The following SLC14A2 variants were observed in gnomAD, a reference collection of about 807,000 sequenced individuals.
SLC14A2 encodes solute carrier family 14 member 2, also known as urea transporter 2.
In SLC14A2, 91 loss-of-function variants were observed where a neutral mutation model predicts 104.6. The observed-to-expected ratio is 0.87, with a 90% CI of 0.73 to 1.04. The LOEUF (loss-of-function observed/expected upper bound fraction) is 1.04. Ranked by LOEUF, SLC14A2 falls within the 50% of genes least tolerant of loss-of-function variation. The pLI, the probability that SLC14A2 is intolerant of heterozygous loss-of-function variation, is 0.00. For synonymous variants in SLC14A2, 476 were observed against 466.4 expected, an observed-to-expected ratio of 1.02 and a Z score of -0.27; for missense variants, 1,189 against 1,156.0, an observed-to-expected ratio of 1.03 and a Z score of -0.41.
intron 2 of SLC14A2, among the ~76,000 whole-genome samples, chr18:45,500,576 C>CAAAAA (rs34543837): frequency 2.1e-5 from 2 of 93,878 alleles, no homozygotes; most frequent in Admixed American, 1.2e-4. Context: ...GACTCCGTCT[C>CAAAAA]AAAAAAAAAA....
chr18:45,591,814 G>C (rs907879685), intron 2 of SLC14A2, among the ~76,000 whole-genome samples: 1 of 152,224 alleles, frequency 6.6e-6, no homozygotes, highest in African/African-American at 2.4e-5. Flanking sequence ...GGACCTGGGA[G>C]AGCCAAAGAC....
chr18:45,647,594 A>T (rs993699758), intron 10 of SLC14A2: 1 of 152,206 alleles, frequency 6.6e-6, no homozygotes, highest in African/African-American at 2.4e-5. Context: ...AGGTCTTTCT[A>T]ACAACAAAGC....
At chr18:45,437,901 G>A (rs757065893) in intron 1 of SLC14A2, among the ~76,000 whole-genome samples, 4 of 152,188 alleles carry the variant, frequency 2.6e-5, no homozygotes, top group Non-Finnish European at 4.4e-5. Context: ...TGCTCTTAAT[G>A]TATGCGATAC....
chr18:45,441,429 C>T (rs1156267181), intron 1 of SLC14A2, among the ~76,000 whole-genome samples: 1 of 152,164 alleles, frequency 6.6e-6, no homozygotes, highest in Non-Finnish European at 1.5e-5. Flanking sequence ...AATGCCATAG[C>T]CATTACCCAG....
At chr18:45,346,383 C>T (rs939935419) in intron 1 of SLC14A2, among the ~76,000 whole-genome samples, 1 of 152,190 alleles carries the variant, frequency 6.6e-6, no homozygotes, top group Non-Finnish European at 1.5e-5. Context: ...TCTTGAACTC[C>T]TGACCTCAGG....
intron 1 of SLC14A2, among the ~76,000 whole-genome samples, chr18:45,418,577 G>T (rs974593347): frequency 6.6e-6 from 1 of 152,164 alleles, no homozygotes; most frequent in Admixed American, 6.5e-5. Flanking sequence ...GATAAAACTG[G>T]AACGGTACCT....
At chr18:45,237,270 A>G (rs1966317796) in intron 1 of SLC14A2, among the ~76,000 whole-genome samples, 1 of 152,164 alleles carries the variant, frequency 6.6e-6, no homozygotes, top group Non-Finnish European at 1.5e-5. Context: ...TTGGATAACT[A>G]AAGAAGCCTC....
rs2086256384 is a variant in SLC14A2 at position 45,414,760 on chromosome 18, ATATATAT to A, written c.-124-68472_-124-68466del. Among the ~76,000 whole-genome samples the A allele has an allele frequency of 5.2e-4, 29 of 55,266 alleles. 1 individual carries two copies. The East Asian group carries it at 0.018, about 33-fold the overall frequency. The allele number at this position is 55,266 out of a possible 152,430, so 36.3% of individuals were successfully genotyped here. A position where few individuals can be genotyped will look rare whatever the true frequency, so the allele number is the denominator to read the frequency against. On this transcript the variant is annotated intron_variant, in intron 1 of 20. Transcript: ENST00000586448. ...CACCGAGCGTAAAAAAAAAAAAAATATATATATATATATATATATATATATATATATA... is the reference window on the plus strand; with the variant it reads ...CACCGAGCGTAAAAAAAAAAAAAATAATATATATATATATATATATATATA...
chr18:45,213,710 T>A (rs966408152), intron 1 of SLC14A2, among the ~76,000 whole-genome samples: 7 of 149,854 alleles, frequency 4.7e-5, no homozygotes, highest in African/African-American at 1.7e-4. Flanking sequence ...AACTAGTACA[T>A]GCTATTAAAA....
the SLC14A2 span, among the ~76,000 whole-genome samples, chr18:45,174,074 T>G: frequency 6.6e-6 from 1 of 152,124 alleles, no homozygotes; most frequent in South Asian, 2.1e-4. Flanking sequence ...AGGTCAATTT[T>G]TGCATTGATT....
intron 1 of SLC14A2, among the ~76,000 whole-genome samples, chr18:45,293,873 ATTAG>A (rs986542693): frequency 1.1e-4 from 16 of 152,248 alleles, no homozygotes; most frequent in African/African-American, 3.9e-4. Context: ...CATGTTTCAT[ATTAG>A]TTATCTTTTA....
At chr18:45,266,223 G>C (rs902854313) in intron 1 of SLC14A2, among the ~76,000 whole-genome samples, 1 of 152,088 alleles carries the variant, frequency 6.6e-6, no homozygotes, top group African/African-American at 2.4e-5. Flanking sequence ...GCTTCAGTAA[G>C]GCCACGCCAT....
intron 1 of SLC14A2, among the ~76,000 whole-genome samples, chr18:45,481,131 C>T (rs1282965921): frequency 3.3e-5 from 5 of 152,054 alleles, no homozygotes; most frequent in African/African-American, 7.2e-5. Context: ...AGGCAGGATT[C>T]CAGGCTCAGG....
At chr18:45,171,780 T>A in the SLC14A2 span, among the ~76,000 whole-genome samples, 1 of 152,160 alleles carries the variant, frequency 6.6e-6, no homozygotes, top group African/African-American at 2.4e-5. Context: ...ACCAACAATT[T>A]ATTAGGACCT....
At position 45,318,842 on chromosome 18, in the gene SLC14A2, G is replaced by A. The variant is rs113713573; in HGVS notation, c.-125+105651G>A. On this transcript the variant is annotated intron_variant, in intron 1 of 20. Transcript: ENST00000586448. ...CCAGGCTGGGACATCACTCAGCCCC[G>A]GTCAGCATGCTTGCTTCCAAGGAGG... 2.7e-4 allele frequency among the ~76,000 whole-genome samples: 41 copies of A among 152,042 alleles called. 1 individual carries two copies. The South Asian group carries it at 3.5e-3, about 13-fold the overall frequency.
intron 1 of SLC14A2, among the ~76,000 whole-genome samples, chr18:45,383,822 G>T (rs749566759): frequency 6.6e-6 from 1 of 152,110 alleles, no homozygotes; most frequent in Non-Finnish European, 1.5e-5. Context: ...GGCTCTGCTT[G>T]CCTGGGCTTC....
chr18:45,432,243 A>G (rs528315258), intron 1 of SLC14A2, among the ~76,000 whole-genome samples: 3 of 152,274 alleles, frequency 2.0e-5, no homozygotes, highest in East Asian at 1.9e-4. Context: ...CTGCATGACA[A>G]TGAAGGAATG....
chr18:45,466,306 G>A (rs1245832415), intron 1 of SLC14A2, among the ~76,000 whole-genome samples: 1 of 151,828 alleles, frequency 6.6e-6, no homozygotes, highest in Non-Finnish European at 1.5e-5. Flanking sequence ...AAAGATGATG[G>A]ACAAAGACAA....
intron 1 of SLC14A2, among the ~76,000 whole-genome samples, chr18:45,370,230 G>C (rs1047470535): frequency 6.6e-6 from 1 of 152,116 alleles, no homozygotes; most frequent in Non-Finnish European, 1.5e-5. Context: ...CCAGGGTGAC[G>C]AATGTCTAGC....
Sources: gnomAD v4.1 joint callset for allele counts (sites outside exome capture counted in the v4.1 genomes callset) on GRCh38, gnomAD v4.1.1 for gene constraint, MANE v1.5 for transcripts, NCBI Gene and HGNC (gene_info 2026-07-23, HGNC 2026-07-21) for gene names.